PI4KA: variants seen among roughly 807,000 people sequenced by gnomAD.
The protein encoded by PI4KA is phosphatidylinositol 4-kinase alpha, also known as PI4-kinase alpha.
Under a neutral mutation model 271.4 loss-of-function variants are expected in PI4KA, and 122 were observed. That is an observed-to-expected ratio of 0.45 (90% CI 0.39 to 0.52). The LOEUF (loss-of-function observed/expected upper bound fraction) is 0.52. PI4KA is among the 20% of genes least tolerant of loss of function. The pLI is 0.00. For missense variants in PI4KA, 1,969 were observed against 2,769.1 expected (o/e 0.71, Z 6.48); for synonymous variants, 1,041 against 1,078.8 (o/e 0.96, Z 0.69).
At chr22:20,773,386 AAAACAAACAAAC>A (rs111401881) in intron 19 of PI4KA, among the ~76,000 whole-genome samples, 1 of 152,086 alleles carries the variant, frequency 6.6e-6, no homozygotes, top group African/African-American at 2.4e-5. Context: ...ACTCTGTCTC[AAAACAAACAAAC>A]AAACAAACAA....
chr22:20,747,363 T>TAA (rs369504375), intron 29 of PI4KA: 45 of 372,812 alleles, frequency 1.2e-4, no homozygotes, highest in South Asian at 2.6e-4. Flanking sequence ...TCCATAAATT[T>TAA]AAAAAAAAAA....
intron 1 of PI4KA, among the ~76,000 whole-genome samples, chr22:20,843,037 G>A (rs1226429301): frequency 1.3e-5 from 2 of 148,462 alleles, no homozygotes; most frequent in African/African-American, 5.0e-5. Flanking sequence ...GGCAGAGCTT[G>A]TAGTGAGCCG....
chr22:20,837,930 C>T (rs1925065110), intron 2 of PI4KA, among the ~76,000 whole-genome samples: 1 of 151,914 alleles, frequency 6.6e-6, no homozygotes, highest in Middle Eastern at 3.4e-3. Flanking sequence ...ACCAGCCTGC[C>T]CAACATGGAG....
chr22:20,818,700 A>G (rs1016220066), intron 6 of PI4KA, 151 bp from the exon 7 acceptor site: 7 of 542,198 alleles, frequency 1.3e-5, no homozygotes, highest in Non-Finnish European at 2.2e-5. Flanking sequence ...TCACAGCTAC[A>G]GCATTCTCTA....
Position 20,813,345 on chromosome 22 carries a change from G to T in PI4KA, c.1005+13C>A. 2 of 1,608,358 alleles carry T rather than the reference G, an allele frequency of 1.2e-6. No homozygotes were observed. Among genetic ancestry groups the T allele is most frequent in the East Asian group, 2.2e-5 (1 of 44,848 alleles). On this transcript the variant is annotated intron_variant, in intron 8 of 54. Transcript: ENST00000255882. Reference sequence around the variant, plus strand: ...ATATCCATGGTCTGTTCATCCATCAGTTCTTTGCTTACCAGGTTTAAGAGT... The same window carrying T: ...ATATCCATGGTCTGTTCATCCATCATTTCTTTGCTTACCAGGTTTAAGAGT...
intron 36 of PI4KA, 50 bp downstream of exon 36, chr22:20,732,921 C>T (rs1435269011): frequency 3.1e-6 from 5 of 1,608,766 alleles, no homozygotes; most frequent in South Asian, 1.1e-5. Flanking sequence ...CCACGTGGCA[C>T]CCCTGTCCTG....
At chr22:20,779,184 T>G in intron 19 of PI4KA, 1 of 1,577,438 alleles carries the variant, frequency 6.3e-7, no homozygotes, top group Non-Finnish European at 8.6e-7. Flanking sequence ...TAAGAACTAA[T>G]GCTGTGAGGG....
chr22:20,748,135 C>G (rs1930309680), intron 28 of PI4KA, among the ~76,000 whole-genome samples: 1 of 152,228 alleles, frequency 6.6e-6, no homozygotes, highest in African/African-American at 2.4e-5. Flanking sequence ...CCCTCCCTAA[C>G]TAGCTGTGGG....
intron 19 of PI4KA, among the ~76,000 whole-genome samples, chr22:20,771,103 G>A (rs1932852872): frequency 6.6e-6 from 1 of 152,134 alleles, no homozygotes; most frequent in Non-Finnish European, 1.5e-5. Flanking sequence ...TGGAGTATGT[G>A]TGACAGGAGG....
intron 19 of PI4KA, chr22:20,779,297 C>A (rs1933552732): frequency 6.2e-7 from 1 of 1,613,980 alleles, no homozygotes; most frequent in African/African-American, 1.3e-5. Flanking sequence ...TCCCTCCCAG[C>A]TTTAGCTCCG....
chr22:20,847,755 A>AAC (rs386394969), intron 1 of PI4KA, among the ~76,000 whole-genome samples: 11 of 39,086 alleles, frequency 2.8e-4, no homozygotes, highest in African/African-American at 1.6e-3. Context: ...ACCCTGTTTC[A>AAC]AAAAAAAAAA....
chr22:20,815,399 A>C (rs938825566), intron 7 of PI4KA, among the ~76,000 whole-genome samples: 6 of 151,302 alleles, frequency 4.0e-5, no homozygotes, highest in African/African-American at 1.5e-4. Context: ...AAAAAAAAAA[A>C]ACAAATCAAA....
intron 19 of PI4KA, among the ~76,000 whole-genome samples, chr22:20,768,918 G>GT (rs1392370917): frequency 6.6e-6 from 1 of 152,218 alleles, no homozygotes; most frequent in African/African-American, 2.4e-5. Flanking sequence ...GACAGTGACA[G>GT]TAAGAACACG....
chr22:20,746,976 T>C (rs555438831), intron 29 of PI4KA, among the ~76,000 whole-genome samples: 17 of 152,252 alleles, frequency 1.1e-4, no homozygotes, highest in East Asian at 5.8e-4. Context: ...TTGGAGAGAG[T>C]TGGGAAGCAC....
intron 1 of PI4KA, among the ~76,000 whole-genome samples, chr22:20,845,958 G>A (rs150954254): frequency 6.6e-6 from 1 of 152,258 alleles, no homozygotes; most frequent in Admixed American, 6.5e-5. Flanking sequence ...CAGGACACAA[G>A]ATTAAGATAC....
chr22:20,812,575 G>C (rs1432141751), intron 8 of PI4KA, among the ~76,000 whole-genome samples: 1 of 152,052 alleles, frequency 6.6e-6, no homozygotes. Flanking sequence ...TTTTTTTTGA[G>C]ATGGAGTCTC....
intron 9 of PI4KA, among the ~76,000 whole-genome samples, chr22:20,808,710 A>C (rs1337112295): frequency 3.3e-5 from 5 of 150,318 alleles, no homozygotes; most frequent in Non-Finnish European, 7.4e-5. Context: ...ATAGGGTCTC[A>C]CTCTGTACCC....
At chr22:20,852,292 G>GT (rs1927077797) in intron 1 of PI4KA, among the ~76,000 whole-genome samples, 1 of 152,192 alleles carries the variant, frequency 6.6e-6, no homozygotes, top group African/African-American at 2.4e-5. Flanking sequence ...AGAATCTGCA[G>GT]TAAGGAGTGA....
intron 41 of PI4KA, 27 bp downstream of exon 41, chr22:20,727,203 G>T: frequency 6.3e-7 from 1 of 1,598,512 alleles, no homozygotes; most frequent in Non-Finnish European, 8.5e-7. Flanking sequence ...CCTACCAGAG[G>T]CCAGCTCAGC....
Sources: allele counts gnomAD v4.1 joint callset (sites outside exome capture counted in the v4.1 genomes callset), GRCh38; gene constraint gnomAD v4.1.1; transcripts MANE v1.5; gene names NCBI Gene and HGNC (gene_info 2026-07-23, HGNC 2026-07-21).